GALNT17: variants seen among roughly 807,000 people sequenced by gnomAD.
The protein encoded by GALNT17 is polypeptide N-acetylgalactosaminyltransferase 17.
Under a neutral mutation model 63.7 loss-of-function variants are expected in GALNT17, and 29 were observed. The observed-to-expected ratio is 0.46, with a 90% CI of 0.34 to 0.62. The LOEUF is 0.62. Ranked by LOEUF, GALNT17 falls within the 20% of genes least tolerant of loss-of-function variation. The pLI, the probability that GALNT17 is intolerant of heterozygous loss-of-function variation, is 0.01. For missense variants in GALNT17, 603 were observed against 799.6 expected (o/e 0.75, Z 2.97); for synonymous variants, 305 against 318.3 (o/e 0.96, Z 0.45).
intron 5 of GALNT17, among the ~76,000 whole-genome samples, chr7:71,566,055 G>T: frequency 6.6e-6 from 1 of 151,048 alleles, no homozygotes; most frequent in Non-Finnish European, 1.5e-5. Context: ...TTTGTTTGTA[G>T]TAGAGACAGG....
chr7:71,382,106 G>T (rs769367199), intron 2 of GALNT17, among the ~76,000 whole-genome samples: 1 of 152,118 alleles, frequency 6.6e-6, no homozygotes, highest in Non-Finnish European at 1.5e-5. Flanking sequence ...ATGGCTAGGC[G>T]TGGTGGCTCA....
intron 2 of GALNT17, among the ~76,000 whole-genome samples, chr7:71,349,099 TGG>T (rs1269418679): frequency 1.3e-5 from 2 of 152,230 alleles, no homozygotes; most frequent in East Asian, 3.8e-4. Flanking sequence ...TTCTCAGCCC[TGG>T]GGATAATCAA....
chr7:71,504,090 T>C (rs1426013600), intron 5 of GALNT17, among the ~76,000 whole-genome samples: 1 of 152,020 alleles, frequency 6.6e-6, no homozygotes, highest in Non-Finnish European at 1.5e-5. Context: ...TATCCGGGCA[T>C]GGTGGCGGGA....
At chr7:71,506,987 C>T (rs529541589) in intron 5 of GALNT17, among the ~76,000 whole-genome samples, 63 of 152,336 alleles carry the variant, frequency 4.1e-4, no homozygotes, top group African/African-American at 1.4e-3. Context: ...ATAATCCCAG[C>T]GTTTTGGGAG....
intron 5 of GALNT17, among the ~76,000 whole-genome samples, chr7:71,435,928 G>A (rs1786952819): frequency 1.3e-5 from 2 of 150,424 alleles, no homozygotes; most frequent in South Asian, 2.1e-4. Flanking sequence ...GCTGAGGCAG[G>A]AGAATGGCGT....
intron 3 of GALNT17, among the ~76,000 whole-genome samples, chr7:71,410,120 C>T (rs1338433318): frequency 6.6e-6 from 1 of 152,148 alleles, no homozygotes; most frequent in East Asian, 1.9e-4. Context: ...GTAACAGGGT[C>T]TATTGTCCTA....
At chr7:71,650,785 C>G (rs936315398) in intron 6 of GALNT17, among the ~76,000 whole-genome samples, 19 of 152,110 alleles carry the variant, frequency 1.2e-4, no homozygotes, top group Non-Finnish European at 2.5e-4. Flanking sequence ...AGTGTTTTCA[C>G]CCTCCCTGCT....
intron 1 of GALNT17, among the ~76,000 whole-genome samples, chr7:71,146,815 A>G (rs1788031896): frequency 6.6e-6 from 1 of 152,214 alleles, no homozygotes; most frequent in Non-Finnish European, 1.5e-5. Flanking sequence ...CAGCTTTGCC[A>G]TGCATGAGTA....
intron 1 of GALNT17, among the ~76,000 whole-genome samples, chr7:71,252,221 C>CA (rs11366800): frequency 0.018 from 2,132 of 121,682 alleles, 50 homozygotes; most frequent in African/African-American, 0.059. Context: ...TCCTGAAACT[C>CA]AAAAAAAAAA....
At chr7:71,641,411 C>G (rs1790600676) in intron 6 of GALNT17, among the ~76,000 whole-genome samples, 1 of 152,068 alleles carries the variant, frequency 6.6e-6, no homozygotes, top group African/African-American at 2.4e-5. Context: ...TAACAAAATA[C>G]CGTACACTAG....
chr7:71,494,828 C>G (rs1263249774), intron 5 of GALNT17, among the ~76,000 whole-genome samples: 1 of 152,192 alleles, frequency 6.6e-6, no homozygotes, highest in Non-Finnish European at 1.5e-5. Context: ...AGCAAAGTCA[C>G]GTCTTACATG....
Position 71,545,263 on chromosome 7 carries a change from CTG to C in GALNT17, c.963-26020_963-26019del, listed in dbSNP as rs559459675. On this transcript the variant is annotated intron_variant, in intron 5 of 10. Coordinates refer to ENST00000333538, the MANE Select transcript of GALNT17 (RefSeq NM_022479.3). ...TCACTTGGCTATTTTTCACATCTCT[CTG>C]TTTATTTTTCACAAGGTTTTGTTCT... 3.7e-3 allele frequency among the ~76,000 whole-genome samples: 565 copies of C among 152,226 alleles called. 5 individuals carry two copies. Among genetic ancestry groups the C allele is most frequent in the South Asian group, 0.029 (138 of 4,820 alleles).
chr7:71,231,911 G>C (rs559429222), intron 1 of GALNT17, among the ~76,000 whole-genome samples: 1 of 152,104 alleles, frequency 6.6e-6, no homozygotes, highest in South Asian at 2.1e-4. Context: ...GACATTGCAG[G>C]GATATAGGTT....
rs564306506 is a variant in GALNT17 at position 71,333,415 on chromosome 7, C to T, written c.239-2135C>T. ...CAGTCATCAGTTGATGGACATTTAG[C>T]TAATAAGAATAATGCAACTGTGAGC... is the stretch of plus-strand genomic sequence containing the variant. On this transcript the variant is annotated intron_variant, in intron 1 of 10. Coordinates refer to ENST00000333538, the MANE Select transcript of GALNT17 (RefSeq NM_022479.3). Among the ~76,000 whole-genome samples, 129 of 152,224 alleles carry T rather than the reference C, an allele frequency of 8.5e-4. 1 individual carries two copies. The highest frequency in any genetic ancestry group is 1.2e-3 in the Admixed American group (18 of 15,288).
At chr7:71,170,108 T>C (rs1280226540) in intron 1 of GALNT17, among the ~76,000 whole-genome samples, 1 of 152,162 alleles carries the variant, frequency 6.6e-6, no homozygotes, top group Non-Finnish European at 1.5e-5. Context: ...GATCTATTGT[T>C]TGTCTCTGTC....
At chr7:71,446,790 CTG>C (rs1787169859) in intron 5 of GALNT17, among the ~76,000 whole-genome samples, 1 of 152,212 alleles carries the variant, frequency 6.6e-6, no homozygotes, top group Non-Finnish European at 1.5e-5. Context: ...CTCAAGTGAT[CTG>C]TCTGCCTCTG....
At chr7:71,339,615 G>A (rs1490944293) in intron 2 of GALNT17, among the ~76,000 whole-genome samples, 1 of 151,962 alleles carries the variant, frequency 6.6e-6, no homozygotes, top group East Asian at 1.9e-4. Flanking sequence ...GCTTGAAACT[G>A]TTAGGTGGAG....
chr7:71,538,444 C>G (rs1788835325), intron 5 of GALNT17, among the ~76,000 whole-genome samples: 1 of 152,158 alleles, frequency 6.6e-6, no homozygotes, highest in Non-Finnish European at 1.5e-5. Flanking sequence ...CCACTTCAAG[C>G]TTTTCAGTCA....
At chr7:71,318,687 C>A (rs1791546912) in intron 1 of GALNT17, among the ~76,000 whole-genome samples, 1 of 152,146 alleles carries the variant, frequency 6.6e-6, no homozygotes, top group Non-Finnish European at 1.5e-5. Context: ...CTCAGCCTCC[C>A]AAAGTGCTGG....
Sources: gnomAD v4.1 joint callset for allele counts (sites outside exome capture counted in the v4.1 genomes callset) on GRCh38, gnomAD v4.1.1 for gene constraint, MANE v1.5 for transcripts, NCBI Gene and HGNC (gene_info 2026-07-23, HGNC 2026-07-21) for gene names.